Variants in HMG20A observed in about 807,000 individuals in gnomAD.
The protein encoded by HMG20A is high mobility group 20A.
In HMG20A, 17 loss-of-function variants were observed where a neutral mutation model predicts 43.9. The ratio of observed to expected loss-of-function variants is 0.39; its 90% confidence interval spans 0.27 to 0.58. The LOEUF is 0.58. Among genes scored for constraint, HMG20A ranks in the 20% least tolerant of loss-of-function variants. The pLI is 0.59. For missense variants in HMG20A, 341 were observed against 438.2 expected (o/e 0.78, Z 1.98); for synonymous variants, 132 against 147.5 (o/e 0.89, Z 0.76).
chr15:77,448,712 T>C (rs1169341142), intron 1 of HMG20A, among the ~76,000 whole-genome samples: 1 of 152,162 alleles, frequency 6.6e-6, no homozygotes, highest in Non-Finnish European at 1.5e-5. Context: ...ATGCCCAGGA[T>C]AGTAGATAAT....
intron 6 of HMG20A, among the ~76,000 whole-genome samples, chr15:77,473,727 T>C (rs2142352234): frequency 6.6e-6 from 1 of 152,324 alleles, no homozygotes; most frequent in African/African-American, 2.4e-5. Flanking sequence ...ATTTCTGTGA[T>C]TTGCAAAAAG....
intron 8 of HMG20A, among the ~76,000 whole-genome samples, chr15:77,478,958 A>G (rs757677084): frequency 2.0e-5 from 3 of 152,216 alleles, no homozygotes; most frequent in East Asian, 1.9e-4. Flanking sequence ...CTTCTGTTAC[A>G]TGCAGCTGCT....
intron 7 of HMG20A, 69 bp downstream of exon 7, chr15:77,477,699 C>A: frequency 4.7e-6 from 5 of 1,062,130 alleles, no homozygotes; most frequent in Non-Finnish European, 7.2e-6. Context: ...AGAAGAAATT[C>A]ATTGCTCAAA....
chr15:77,470,337 T>C (rs1295277738), intron 4 of HMG20A, among the ~76,000 whole-genome samples: 2 of 152,228 alleles, frequency 1.3e-5, no homozygotes, highest in Admixed American at 1.3e-4. Flanking sequence ...CATGTAGATA[T>C]AGGTTCTCTC....
chr15:77,516,651 A>C, the HMG20A span, among the ~76,000 whole-genome samples: 1 of 151,952 alleles, frequency 6.6e-6, no homozygotes, highest in African/African-American at 2.4e-5. Context: ...CCCAGGGGAG[A>C]TGTCTGAGTG....
At chr15:77,465,934 T>C (rs186293957) in intron 3 of HMG20A, among the ~76,000 whole-genome samples, 1 of 152,352 alleles carries the variant, frequency 6.6e-6, no homozygotes, top group Admixed American at 6.5e-5. Context: ...AAAAATATTA[T>C]GTACCTTACA....
chr15:77,513,769 A>C, the HMG20A span, among the ~76,000 whole-genome samples: 1 of 147,530 alleles, frequency 6.8e-6, no homozygotes, highest in African/African-American at 2.5e-5. Flanking sequence ...CTCTGTCGCC[A>C]GGCTGGAGTG....
At chr15:77,454,182 A>C (rs529766539) in intron 1 of HMG20A, among the ~76,000 whole-genome samples, 6 of 147,456 alleles carry the variant, frequency 4.1e-5, no homozygotes, top group Non-Finnish European at 7.4e-5. Flanking sequence ...AAAAAAAAAC[A>C]AAGTAGATTA....
chr15:77,435,411 G>C (rs1038452296), intron 1 of HMG20A, among the ~76,000 whole-genome samples: 1 of 152,130 alleles, frequency 6.6e-6, no homozygotes, highest in Non-Finnish European at 1.5e-5. Context: ...AGCCTCCCAA[G>C]TTGCTGGGAC....
downstream of HMG20A, among the ~76,000 whole-genome samples, chr15:77,488,497 A>AT (rs1239066437): frequency 6.6e-6 from 1 of 152,180 alleles, no homozygotes; most frequent in African/African-American, 2.4e-5. Flanking sequence ...CTGATGAGAT[A>AT]TTTTTTCCAT....
intron 6 of HMG20A, among the ~76,000 whole-genome samples, chr15:77,473,487 T>C (rs2072828814): frequency 6.6e-6 from 1 of 152,208 alleles, no homozygotes; most frequent in Non-Finnish European, 1.5e-5. Flanking sequence ...ACCTGAAACA[T>C]TAGATCTCAC....
At chr15:77,433,423 A>G (rs1418707739) in intron 1 of HMG20A, among the ~76,000 whole-genome samples, 4 of 152,290 alleles carry the variant, frequency 2.6e-5, no homozygotes, top group African/African-American at 9.6e-5. Context: ...ATATTTAAAG[A>G]AGAAATAACC....
At chr15:77,468,647 A>G (rs1170431190) in intron 4 of HMG20A, among the ~76,000 whole-genome samples, 7 of 151,884 alleles carry the variant, frequency 4.6e-5, no homozygotes. Context: ...ACACCCAGAC[A>G]CACACAAAAT....
At chr15:77,463,250 C>G (rs1026404329) in intron 2 of HMG20A, among the ~76,000 whole-genome samples, 1 of 151,896 alleles carries the variant, frequency 6.6e-6, no homozygotes, top group Non-Finnish European at 1.5e-5. Context: ...CTTTTAGGAC[C>G]TCCTCTATAA....
intron 6 of HMG20A, among the ~76,000 whole-genome samples, chr15:77,472,163 C>T (rs2072815210): frequency 6.6e-6 from 1 of 152,180 alleles, no homozygotes; most frequent in Admixed American, 6.5e-5. Flanking sequence ...TTAAATCTGA[C>T]TCTCAGAAAA....
chr15:77,446,437 G>A (rs79060352), intron 1 of HMG20A, among the ~76,000 whole-genome samples: 1,877 of 151,884 alleles, frequency 0.012, 38 homozygotes, highest in African/African-American at 0.043. Flanking sequence ...AAAAAAACTC[G>A]TGTCTCCTCT....
At chr15:77,468,570 CTT>C (rs1228144812) in intron 4 of HMG20A, among the ~76,000 whole-genome samples, 7 of 131,760 alleles carry the variant, frequency 5.3e-5, no homozygotes, top group Non-Finnish European at 1.2e-4. Flanking sequence ...CATGCTCAGT[CTT>C]TCTCTCTCTC....
At chr15:77,455,059 G>A (rs956355242) in intron 1 of HMG20A, among the ~76,000 whole-genome samples, 2 of 151,754 alleles carry the variant, frequency 1.3e-5, no homozygotes, top group African/African-American at 4.8e-5. Flanking sequence ...AGTGGGGTTA[G>A]CATGTGTAAA....
Position 77,485,567 on chromosome 15 carries a change from T to G in HMG20A, c.*2604T>G, listed in dbSNP as rs963403868. On this transcript the variant is annotated 3_prime_UTR_variant, in exon 10 of 10. Transcript: ENST00000336216. Reference sequence around the variant, plus strand: ...GTTTTTTAAGAAGTTGATGTGCTTGTTTGACATTTGTCTCATTAAAACTTT... The same window carrying G: ...GTTTTTTAAGAAGTTGATGTGCTTGGTTGACATTTGTCTCATTAAAACTTT... The G allele has an allele frequency of 2.6e-5, 4 of 152,668 alleles. No individual in the cohort carries two copies. The highest frequency in any genetic ancestry group is 6.5e-5 in the Admixed American group (1 of 15,284). 9.5% of individuals were successfully genotyped at this position (152,668 alleles called of 1,614,324 possible).
Sources: gnomAD v4.1 joint callset for allele counts (sites outside exome capture counted in the v4.1 genomes callset) on GRCh38, gnomAD v4.1.1 for gene constraint, MANE v1.5 for transcripts, NCBI Gene and HGNC (gene_info 2026-07-23, HGNC 2026-07-21) for gene names.